Variants in DIP2C observed in about 807,000 individuals in gnomAD.
DIP2C encodes the protein DIP2 acetate--CoA ligase C (putative).
A neutral mutation model predicts 192.4 loss-of-function variants in DIP2C; 33 were observed. That is an observed-to-expected ratio of 0.17 (90% CI 0.13 to 0.23). The LOEUF is 0.23. Among genes scored for constraint, DIP2C ranks in the 10% least tolerant of loss-of-function variants. The probability of loss-of-function intolerance (pLI) is 1.00; values close to 1 mark genes in which losing one functional copy is unlikely to be tolerated. For synonymous variants in DIP2C, 979 were observed against 864.1 expected (o/e 1.13, Z -2.33); for missense variants, 1,537 against 2,110.1 (o/e 0.73, Z 5.32).
At chr10:507,919 C>T (rs527722640) in intron 1 of DIP2C, among the ~76,000 whole-genome samples, 9 of 152,308 alleles carry the variant, frequency 5.9e-5, no homozygotes, top group South Asian at 2.1e-4. Flanking sequence ...CAGGAGAAGA[C>T]TTTTCCACAA....
chr10:665,264 T>G (rs1169457448), intron 1 of DIP2C: 1 of 152,228 alleles, frequency 6.6e-6, no homozygotes, highest in African/African-American at 2.4e-5. Context: ...TATATACTAG[T>G]GATTGTTAAT....
intron 3 of DIP2C, among the ~76,000 whole-genome samples, chr10:449,781 T>TAAAAAA (rs370147180): frequency 6.2e-5 from 8 of 128,656 alleles, no homozygotes; most frequent in African/African-American, 2.1e-4. Flanking sequence ...TAAAGTATAA[T>TAAAAAA]TAAAAAAAAA....
At chr10:290,732 G>A (rs1235578569) in intron 32 of DIP2C, among the ~76,000 whole-genome samples, 1 of 152,236 alleles carries the variant, frequency 6.6e-6, no homozygotes, top group Non-Finnish European at 1.5e-5. Flanking sequence ...GAGGGGGTCA[G>A]AGGCCCCCAC....
intron 1 of DIP2C, among the ~76,000 whole-genome samples, chr10:548,690 G>A (rs1055860701): frequency 1.3e-5 from 2 of 151,710 alleles, no homozygotes; most frequent in East Asian, 1.9e-4. Flanking sequence ...CTGGAGGGAA[G>A]CGACAAGAGG....
At chr10:353,517 G>A (rs1165362540) in intron 24 of DIP2C, among the ~76,000 whole-genome samples, 2 of 152,206 alleles carry the variant, frequency 1.3e-5, no homozygotes, top group African/African-American at 4.8e-5. Context: ...AGCCTCCCAA[G>A]TAGCTGGGAT....
At chr10:402,485 G>T (rs1964524181) in intron 9 of DIP2C, among the ~76,000 whole-genome samples, 1 of 16,082 alleles carries the variant, frequency 6.2e-5, no homozygotes, top group African/African-American at 6.9e-5. Flanking sequence ...TACACGTGTG[G>T]TAGCATTAGC....
At chr10:343,221 G>A (rs985808828) in intron 28 of DIP2C, among the ~76,000 whole-genome samples, 3 of 152,224 alleles carry the variant, frequency 2.0e-5, no homozygotes, top group South Asian at 2.1e-4. Context: ...CCAAGAGGGC[G>A]GAGGTTGCAG....
At chr10:489,686 A>G (rs1049521443) in intron 1 of DIP2C, among the ~76,000 whole-genome samples, 1 of 142,628 alleles carries the variant, frequency 7.0e-6, no homozygotes, top group Non-Finnish European at 1.5e-5. Context: ...CCTCCACTTC[A>G]CACTAGGGAC....
intron 10 of DIP2C, among the ~76,000 whole-genome samples, chr10:398,103 T>G (rs1964138278): frequency 6.6e-6 from 1 of 152,242 alleles, no homozygotes; most frequent in South Asian, 2.1e-4. Context: ...AATAGCCCTA[T>G]AAAGCTCTCT....
intron 1 of DIP2C, among the ~76,000 whole-genome samples, chr10:552,329 C>G (rs904715016): frequency 1.3e-5 from 2 of 152,182 alleles, no homozygotes; most frequent in Non-Finnish European, 2.9e-5. Context: ...AGGAACAGAT[C>G]GGTCTATTTC....
At chr10:342,145 G>A (rs576015074) in intron 28 of DIP2C, among the ~76,000 whole-genome samples, 49 of 151,956 alleles carry the variant, frequency 3.2e-4, no homozygotes, top group African/African-American at 9.2e-4. Context: ...AGGGGTTCTC[G>A]TGTAACCCAC....
intron 1 of DIP2C, among the ~76,000 whole-genome samples, chr10:610,798 T>G (rs1433698496): frequency 7.3e-6 from 1 of 136,708 alleles, no homozygotes. Flanking sequence ...GACTGACTCA[T>G]GGGGGTGGTT....
At chr10:584,979 GCGCATCACCTCTCAGATAATCTC>G (rs1564232666) in intron 1 of DIP2C, among the ~76,000 whole-genome samples, 2 of 127,840 alleles carry the variant, frequency 1.6e-5, no homozygotes, top group African/African-American at 6.1e-5. Context: ...CCCCACTCAC[GCGCATCACCTCTCAGATAATCTC>G]GGGGCCCGCA....
chr10:439,131 C>T (rs1967512303), intron 4 of DIP2C, among the ~76,000 whole-genome samples: 1 of 152,200 alleles, frequency 6.6e-6, no homozygotes, highest in Non-Finnish European at 1.5e-5. Flanking sequence ...CAGGCATGAG[C>T]TACCGTGCCT....
intron 4 of DIP2C, among the ~76,000 whole-genome samples, chr10:426,001 C>T (rs2133188743): frequency 6.6e-6 from 1 of 152,300 alleles, no homozygotes; most frequent in African/African-American, 2.4e-5. Flanking sequence ...CATTATCTGG[C>T]AGGTTCTAGC....
At chr10:326,977 C>T (rs867286279) in intron 31 of DIP2C, 29 bp downstream of exon 31, 2 of 1,594,822 alleles carry the variant, frequency 1.3e-6, no homozygotes, top group Middle Eastern at 3.4e-4. Context: ...ACACTTCCCA[C>T]TCAGCACTGT....
chr10:476,717 G>A (rs1843060928), intron 2 of DIP2C, among the ~76,000 whole-genome samples: 1 of 152,176 alleles, frequency 6.6e-6, no homozygotes, highest in Non-Finnish European at 1.5e-5. Context: ...CTGCAGTGGT[G>A]TCCAGAGCCT....
chr10:531,867 C>G (rs913431520), intron 1 of DIP2C, among the ~76,000 whole-genome samples: 3 of 152,188 alleles, frequency 2.0e-5, no homozygotes, highest in African/African-American at 7.2e-5. Context: ...CTCCAGCACG[C>G]GGCAGCTTCC....
intron 1 of DIP2C, among the ~76,000 whole-genome samples, chr10:523,371 G>GCA (rs1564816952): frequency 1.5e-3 from 206 of 141,294 alleles, no homozygotes; most frequent in African/African-American, 5.5e-3. Context: ...CAGGGACTCT[G>GCA]TGTCACCCAC....
Sources: allele counts gnomAD v4.1 joint callset (sites outside exome capture counted in the v4.1 genomes callset), GRCh38; gene constraint gnomAD v4.1.1; transcripts MANE v1.5; gene names NCBI Gene and HGNC (gene_info 2026-07-23, HGNC 2026-07-21).